The following DPP10 variants were observed in gnomAD, a reference collection of about 807,000 sequenced individuals.
DPP10 encodes dipeptidyl peptidase like 10.
Under a neutral mutation model 120.9 loss-of-function variants are expected in DPP10, and 33 were observed. The ratio of observed to expected loss-of-function variants is 0.27; its 90% CI spans 0.21 to 0.37. The LOEUF (loss-of-function observed/expected upper bound fraction) is 0.37. Ranked by LOEUF, DPP10 falls within the 10% of genes least tolerant of loss-of-function variation. The probability of loss-of-function intolerance (pLI) is 1.00; values close to 1 mark genes in which losing one functional copy is unlikely to be tolerated. For missense variants in DPP10, 816 were observed against 942.8 expected (o/e 0.87, Z 1.76); for synonymous variants, 337 against 326.1 (o/e 1.03, Z -0.36).
At chr2:114,510,795 A>G (rs1028306965) in intron 1 of DPP10, among the ~76,000 whole-genome samples, 5 of 152,204 alleles carry the variant, frequency 3.3e-5, no homozygotes, top group Admixed American at 2.0e-4. Context: ...TCTGGTCTGG[A>G]CAATCGAAGA....
At chr2:115,239,915 C>T (rs2058191366) in intron 1 of DPP10, among the ~76,000 whole-genome samples, 2 of 152,126 alleles carry the variant, frequency 1.3e-5, no homozygotes, top group Non-Finnish European at 2.9e-5. Flanking sequence ...ATCTGTGTCC[C>T]TGCAAAGGAC....
At chr2:115,540,017 C>T (rs1039195810) in intron 5 of DPP10, among the ~76,000 whole-genome samples, 5 of 151,772 alleles carry the variant, frequency 3.3e-5, no homozygotes, top group African/African-American at 1.2e-4. Context: ...TTAACCAGCT[C>T]AAAGAGAGTG....
intron 2 of DPP10, among the ~76,000 whole-genome samples, chr2:115,323,497 A>G (rs557581078): frequency 2.0e-5 from 3 of 152,346 alleles, no homozygotes; most frequent in South Asian, 2.1e-4. Context: ...ACCTTTTCAC[A>G]TAAATCACAA....
chr2:115,177,451 A>T (rs1052310757), intron 1 of DPP10, among the ~76,000 whole-genome samples: 1 of 152,074 alleles, frequency 6.6e-6, no homozygotes, highest in Admixed American at 6.5e-5. Context: ...TTCACTTCCA[A>T]TTTTAAATAA....
intron 1 of DPP10, among the ~76,000 whole-genome samples, chr2:114,599,818 T>C (rs1462643188): frequency 6.6e-6 from 1 of 151,772 alleles, no homozygotes; most frequent in Admixed American, 6.6e-5. Context: ...TTAGAGCGGG[T>C]ATTCATATAG....
At chr2:115,064,577 A>G (rs1185271714) in intron 1 of DPP10, 2 of 1,135,762 alleles carry the variant, frequency 1.8e-6, no homozygotes, top group African/African-American at 3.2e-5. Context: ...CTACACACAC[A>G]TATTTCGGTT....
At chr2:114,828,746 A>T (rs902105598) in intron 1 of DPP10, 1 of 152,236 alleles carries the variant, frequency 6.6e-6, no homozygotes, top group Non-Finnish European at 1.5e-5. Flanking sequence ...ATTTGCAGAG[A>T]AGTTAGTCAT....
chr2:115,641,856 A>G (rs2086810178), intron 5 of DPP10, among the ~76,000 whole-genome samples: 2 of 152,172 alleles, frequency 1.3e-5, no homozygotes, highest in East Asian at 1.9e-4. Flanking sequence ...TTCATATACG[A>G]TAGTGTTACC....
At chr2:114,660,433 A>G (rs1157516695) in intron 1 of DPP10, among the ~76,000 whole-genome samples, 2 of 152,166 alleles carry the variant, frequency 1.3e-5, no homozygotes. Context: ...CCACAACCCT[A>G]GTTTGTGGGC....
At chr2:114,671,754 A>G (rs1437627677) in intron 1 of DPP10, among the ~76,000 whole-genome samples, 1 of 152,136 alleles carries the variant, frequency 6.6e-6, no homozygotes, top group Non-Finnish European at 1.5e-5. Flanking sequence ...GTTGTGTTAC[A>G]GGTATTTTAT....
At chr2:114,815,902 T>C (rs1286452827) in intron 1 of DPP10, among the ~76,000 whole-genome samples, 1 of 151,552 alleles carries the variant, frequency 6.6e-6, no homozygotes, top group Non-Finnish European at 1.5e-5. Flanking sequence ...TTTTTTCCAC[T>C]TCTAAAATGA....
At chr2:115,310,418 G>A (rs949042159) in intron 2 of DPP10, among the ~76,000 whole-genome samples, 27 of 152,074 alleles carry the variant, frequency 1.8e-4, no homozygotes, top group Non-Finnish European at 3.5e-4. Flanking sequence ...GTTCCAGTGA[G>A]ACACTTCGTG....
At chr2:115,576,757 A>C (rs2081686869) in intron 5 of DPP10, among the ~76,000 whole-genome samples, 1 of 152,276 alleles carries the variant, frequency 6.6e-6, no homozygotes, top group South Asian at 2.1e-4. Context: ...CACAAAATTG[A>C]AGTCCATCCT....
intron 1 of DPP10, among the ~76,000 whole-genome samples, chr2:114,640,381 T>C (rs1695616753): frequency 6.6e-6 from 1 of 151,980 alleles, no homozygotes; most frequent in Non-Finnish European, 1.5e-5. Context: ...TCCTTGCCCA[T>C]TTTATTAGAT....
chr2:115,669,645 A>T (rs2089719446), intron 5 of DPP10, among the ~76,000 whole-genome samples: 1 of 152,096 alleles, frequency 6.6e-6, no homozygotes, highest in South Asian at 2.1e-4. Context: ...TTGCTCCAGT[A>T]ATGTCCCACG....
At chr2:115,138,163 C>G (rs747427051) in intron 1 of DPP10, among the ~76,000 whole-genome samples, 1 of 152,040 alleles carries the variant, frequency 6.6e-6, no homozygotes, top group Non-Finnish European at 1.5e-5. Context: ...GGGTGGCTAT[C>G]TGGAAGAAAA....
intron 1 of DPP10, among the ~76,000 whole-genome samples, chr2:114,771,934 TG>T (rs1164080069): frequency 6.6e-6 from 1 of 152,126 alleles, no homozygotes; most frequent in Admixed American, 6.6e-5. Context: ...CAGGCCAGTA[TG>T]GTACGGTCAG....
At chr2:114,923,893 T>A (rs1401008192) in intron 1 of DPP10, among the ~76,000 whole-genome samples, 6 of 152,192 alleles carry the variant, frequency 3.9e-5, no homozygotes, top group Non-Finnish European at 8.8e-5. Flanking sequence ...ATTTAATTTG[T>A]TTTTTATTTT....
intron 5 of DPP10, among the ~76,000 whole-genome samples, chr2:115,591,641 C>CT (rs1254513408): frequency 6.6e-6 from 1 of 152,092 alleles, no homozygotes; most frequent in African/African-American, 2.4e-5. Flanking sequence ...AATGTGGACT[C>CT]TTTTTTGGTT....
Sources: allele counts gnomAD v4.1 joint callset (sites outside exome capture counted in the v4.1 genomes callset), GRCh38; gene constraint gnomAD v4.1.1; transcripts MANE v1.5; gene names NCBI Gene and HGNC (gene_info 2026-07-23, HGNC 2026-07-21).